PTPRD: variants seen among roughly 807,000 people sequenced by gnomAD.
The protein encoded by PTPRD is protein tyrosine phosphatase receptor type D, also known as receptor-type tyrosine-protein phosphatase delta.
Under a neutral mutation model 214.5 loss-of-function variants are expected in PTPRD, and 34 were observed. That is an observed-to-expected ratio of 0.16 (90% CI 0.12 to 0.21). The LOEUF (loss-of-function observed/expected upper bound fraction) is 0.21. PTPRD is among the 10% of genes least tolerant of loss of function. PTPRD has a pLI of 1.00. For missense variants in PTPRD, 2,545 were observed against 2,398.7 expected (o/e 1.06, Z -1.27); for synonymous variants, 1,128 against 845.7 (o/e 1.33, Z -5.79).
chr9:8,817,671 T>C (rs2154525253), intron 11 of PTPRD, among the ~76,000 whole-genome samples: 1 of 152,274 alleles, frequency 6.6e-6, no homozygotes, highest in Middle Eastern at 3.4e-3. Context: ...CAAAATAAAA[T>C]ATACCTTCTA....
chr9:9,604,269 T>A (rs2154339913), intron 7 of PTPRD, among the ~76,000 whole-genome samples: 1 of 152,264 alleles, frequency 6.6e-6, no homozygotes, highest in African/African-American at 2.4e-5. Flanking sequence ...TTAAATGTAT[T>A]TCTTTTAATT....
At chr9:9,324,499 T>C (rs1367954532) in intron 9 of PTPRD, among the ~76,000 whole-genome samples, 5 of 152,352 alleles carry the variant, frequency 3.3e-5, no homozygotes, top group African/African-American at 4.8e-5. Flanking sequence ...TTTTGAGAAG[T>C]GTCTGTTCAT....
At chr9:10,553,372 T>C (rs1262249035) in intron 2 of PTPRD, among the ~76,000 whole-genome samples, 2 of 151,752 alleles carry the variant, frequency 1.3e-5, no homozygotes, top group East Asian at 3.9e-4. Context: ...CTTAAAGATG[T>C]AATGGTTATA....
chr9:9,331,357 G>C (rs953144983), intron 9 of PTPRD, among the ~76,000 whole-genome samples: 2 of 152,002 alleles, frequency 1.3e-5, no homozygotes, highest in African/African-American at 4.8e-5. Flanking sequence ...TAGTATGATT[G>C]CCTGGCTCAT....
At chr9:10,205,025 G>C (rs1194068594) in intron 3 of PTPRD, among the ~76,000 whole-genome samples, 1 of 132,110 alleles carries the variant, frequency 7.6e-6, no homozygotes, top group Non-Finnish European at 1.5e-5. Context: ...TTTTTAACAA[G>C]CTCTGCAAAA....
At chr9:10,354,290 C>T (rs1255180024) in intron 2 of PTPRD, among the ~76,000 whole-genome samples, 1 of 152,120 alleles carries the variant, frequency 6.6e-6, no homozygotes, top group Non-Finnish European at 1.5e-5. Flanking sequence ...TGTTGCTATA[C>T]ATCTTCTATT....
chr9:10,298,028 G>A (rs1390183894), intron 3 of PTPRD, among the ~76,000 whole-genome samples: 1 of 152,134 alleles, frequency 6.6e-6, no homozygotes, highest in Non-Finnish European at 1.5e-5. Flanking sequence ...TGGTTCCCAA[G>A]AGTAACAAAA....
chr9:10,049,836 T>C (rs1043758980), intron 3 of PTPRD, among the ~76,000 whole-genome samples: 2 of 152,182 alleles, frequency 1.3e-5, no homozygotes, highest in African/African-American at 4.8e-5. Context: ...TTATCTAAAA[T>C]AGCAAAACAT....
At chr9:8,592,857 G>T (rs768043139) in intron 14 of PTPRD, among the ~76,000 whole-genome samples, 1 of 152,234 alleles carries the variant, frequency 6.6e-6, no homozygotes, top group Non-Finnish European at 1.5e-5. Context: ...ACTGAACGAA[G>T]TCAAAGACAG....
intron 44 of PTPRD, among the ~76,000 whole-genome samples, chr9:8,327,416 TG>T (rs1233886322): frequency 4.1e-4 from 61 of 149,878 alleles, no homozygotes; most frequent in African/African-American, 1.4e-3. Context: ...TTATGATTTC[TG>T]TTCTTTTGCA....
intron 14 of PTPRD, among the ~76,000 whole-genome samples, chr9:8,624,837 C>A (rs1166691404): frequency 6.6e-6 from 1 of 151,800 alleles, no homozygotes; most frequent in East Asian, 1.9e-4. Flanking sequence ...AGTTCTCTTT[C>A]CCTTTGCCTC....
At chr9:9,970,437 A>AG (rs1566829079) in intron 4 of PTPRD, among the ~76,000 whole-genome samples, 83 of 142,134 alleles carry the variant, frequency 5.8e-4, no homozygotes, top group East Asian at 1.8e-3. Flanking sequence ...CTCAAAAAAA[A>AG]AAAAAAGAAA....
At chr9:9,500,100 C>T (rs1246053904) in intron 8 of PTPRD, among the ~76,000 whole-genome samples, 1 of 152,012 alleles carries the variant, frequency 6.6e-6, no homozygotes, top group Admixed American at 6.6e-5. Flanking sequence ...CTTACTTTTC[C>T]TCCATTTCTC....
At chr9:8,342,459 A>AGG (rs1853374482) in intron 39 of PTPRD, among the ~76,000 whole-genome samples, 2 of 152,188 alleles carry the variant, frequency 1.3e-5, no homozygotes, top group Middle Eastern at 3.4e-3. Context: ...CATGCTTCCT[A>AGG]TTTATCAAAC....
intron 34 of PTPRD, among the ~76,000 whole-genome samples, chr9:8,446,312 C>G (rs751425278): frequency 6.6e-6 from 1 of 152,116 alleles, no homozygotes; most frequent in South Asian, 2.1e-4. Flanking sequence ...TCTTAAATCT[C>G]GATTCTCCAA....
chr9:8,766,371 G>A (rs771456158), intron 11 of PTPRD, among the ~76,000 whole-genome samples: 18 of 151,988 alleles, frequency 1.2e-4, no homozygotes, highest in Non-Finnish European at 2.1e-4. Flanking sequence ...ATGTGTGAGT[G>A]TACCCTGAGA....
intron 11 of PTPRD, among the ~76,000 whole-genome samples, chr9:8,845,117 G>T (rs1045504154): frequency 2.0e-5 from 3 of 150,642 alleles, no homozygotes; most frequent in African/African-American, 7.4e-5. Flanking sequence ...TGTATAAATG[G>T]GAACACAAGT....
chr9:10,289,541 C>G (rs1220949798), intron 3 of PTPRD, among the ~76,000 whole-genome samples: 1 of 152,074 alleles, frequency 6.6e-6, no homozygotes, highest in Admixed American at 6.6e-5. Flanking sequence ...TGAAAATAAC[C>G]TGGTAGGTTG....
At chr9:8,548,828 G>C (rs965507882) in intron 14 of PTPRD, among the ~76,000 whole-genome samples, 9 of 151,530 alleles carry the variant, frequency 5.9e-5, no homozygotes, top group African/African-American at 2.2e-4. Flanking sequence ...CCGAGTAGCT[G>C]GGATTACAGG....
Sources: gnomAD v4.1 joint callset for allele counts (sites outside exome capture counted in the v4.1 genomes callset) on GRCh38, gnomAD v4.1.1 for gene constraint, MANE v1.5 for transcripts, NCBI Gene and HGNC (gene_info 2026-07-23, HGNC 2026-07-21) for gene names.